The following DIS3L2 variants were observed in gnomAD, a reference collection of about 807,000 sequenced individuals.
DIS3L2 encodes the protein DIS3 like 3'-5' exoribonuclease 2, also known as DIS3-like exonuclease 2.
A neutral mutation model predicts 97.5 loss-of-function variants in DIS3L2; 34 were observed. The observed-to-expected ratio is 0.35, with a 90% CI of 0.27 to 0.46. The LOEUF is 0.46. DIS3L2 is among the 20% of genes least tolerant of loss of function. DIS3L2 has a pLI of 1.00. For missense variants in DIS3L2, 1,038 were observed against 1,146.0 expected (o/e 0.91, Z 1.36); for synonymous variants, 435 against 445.2 (o/e 0.98, Z 0.29).
intron 12 of DIS3L2, among the ~76,000 whole-genome samples, chr2:232,256,240 A>C (rs1313969110): frequency 6.6e-6 from 1 of 152,226 alleles, no homozygotes; most frequent in Non-Finnish European, 1.5e-5. Context: ...TGCAACCAGC[A>C]TCTCCTCTCA....
chr2:232,223,293 T>C (rs1302225909), intron 10 of DIS3L2, among the ~76,000 whole-genome samples: 7 of 152,170 alleles, frequency 4.6e-5, no homozygotes, highest in Non-Finnish European at 7.3e-5. Flanking sequence ...AGCACTGCAA[T>C]AGGAGCAGGA....
chr2:232,290,810 C>A (rs559461718), intron 13 of DIS3L2, among the ~76,000 whole-genome samples: 1 of 152,306 alleles, frequency 6.6e-6, no homozygotes, highest in South Asian at 2.1e-4. Flanking sequence ...CGGCCAGCCT[C>A]GCTATAGACT....
At chr2:232,326,801 A>G (rs1003980455) in intron 14 of DIS3L2, among the ~76,000 whole-genome samples, 16 of 150,630 alleles carry the variant, frequency 1.1e-4, no homozygotes, top group Non-Finnish European at 2.1e-4. Context: ...AGCCACACCA[A>G]GGGCCCTGGC....
chr2:232,201,618 C>T (rs1316573203), intron 9 of DIS3L2, among the ~76,000 whole-genome samples: 2 of 152,160 alleles, frequency 1.3e-5, no homozygotes, highest in Admixed American at 6.5e-5. Context: ...TAGGAACAGT[C>T]AAAGACATTT....
At chr2:232,161,889 C>T (rs899093994) in intron 8 of DIS3L2, among the ~76,000 whole-genome samples, 1 of 152,030 alleles carries the variant, frequency 6.6e-6, no homozygotes, top group Non-Finnish European at 1.5e-5. Flanking sequence ...TCTCCTGCTT[C>T]AGTCTCCTGA....
At chr2:232,287,241 T>C (rs1203186882) in intron 13 of DIS3L2, among the ~76,000 whole-genome samples, 1 of 152,170 alleles carries the variant, frequency 6.6e-6, no homozygotes, top group African/African-American at 2.4e-5. Context: ...TTTTTTAACA[T>C]TTAACATTGT....
chr2:232,228,089 C>A (rs887252021), intron 10 of DIS3L2, among the ~76,000 whole-genome samples: 2 of 152,118 alleles, frequency 1.3e-5, no homozygotes, highest in Non-Finnish European at 2.9e-5. Context: ...GCCTCAGCCT[C>A]CTGAGTAGCT....
intron 6 of DIS3L2, among the ~76,000 whole-genome samples, chr2:232,119,671 A>C (rs1055574465): frequency 2.0e-5 from 3 of 152,226 alleles, no homozygotes; most frequent in African/African-American, 7.2e-5. Context: ...AAGAGTGTTG[A>C]AGATGTAATT....
intron 6 of DIS3L2, among the ~76,000 whole-genome samples, chr2:232,107,518 G>A (rs1041731633): frequency 6.6e-6 from 1 of 152,100 alleles, no homozygotes; most frequent in Admixed American, 6.5e-5. Flanking sequence ...GGCCAACATG[G>A]TGAAACCCCG....
intron 1 of DIS3L2, among the ~76,000 whole-genome samples, chr2:231,991,254 G>A (rs1257536537): frequency 1.3e-5 from 2 of 152,028 alleles, no homozygotes; most frequent in Admixed American, 6.6e-5. Context: ...TATTTTGACG[G>A]CAACTATTAT....
chr2:232,086,677 GTA>G (rs760890280), intron 5 of DIS3L2, among the ~76,000 whole-genome samples: 9 of 54,488 alleles, frequency 1.7e-4, no homozygotes, highest in African/African-American at 3.5e-4. Flanking sequence ...GTGTGTGTGT[GTA>G]TATATATATT....
intron 12 of DIS3L2, among the ~76,000 whole-genome samples, chr2:232,253,828 G>GAA (rs1297095744): frequency 1.3e-5 from 2 of 152,172 alleles, no homozygotes; most frequent in African/African-American, 4.8e-5. Flanking sequence ...TTACTCTTGG[G>GAA]AAGTAACAGA....
chr2:231,989,903 G>A (rs1040667891), intron 1 of DIS3L2, among the ~76,000 whole-genome samples: 3 of 152,116 alleles, frequency 2.0e-5, no homozygotes. Flanking sequence ...GTAGAGACAA[G>A]GGTCAATGAA....
At chr2:232,250,168 G>C (rs969573197) in intron 12 of DIS3L2, among the ~76,000 whole-genome samples, 2 of 152,108 alleles carry the variant, frequency 1.3e-5, no homozygotes, top group African/African-American at 4.8e-5. Context: ...AGTTATTAAA[G>C]TTGTTGACAG....
chr2:232,239,951 T>C (rs1168049367), intron 11 of DIS3L2, among the ~76,000 whole-genome samples: 3 of 152,240 alleles, frequency 2.0e-5, no homozygotes, highest in Non-Finnish European at 2.9e-5. Context: ...GGGCTGAAGA[T>C]CCTGTTGCCT....
chr2:232,111,059 A>G, intron 6 of DIS3L2: 1 of 358,738 alleles, frequency 2.8e-6, no homozygotes, highest in East Asian at 7.4e-5. Context: ...AGGATAGGAA[A>G]TTAATGATAG....
intron 5 of DIS3L2, among the ~76,000 whole-genome samples, chr2:232,048,938 C>T (rs998263625): frequency 2.6e-5 from 4 of 152,082 alleles, no homozygotes; most frequent in African/African-American, 9.7e-5. Context: ...TACAAATATA[C>T]AAGCATTTCA....
chr2:231,977,718 G>A (rs551708295), intron 1 of DIS3L2, among the ~76,000 whole-genome samples: 2 of 152,336 alleles, frequency 1.3e-5, no homozygotes, highest in African/African-American at 4.8e-5. Context: ...ATTGGACTCA[G>A]TGTAATATTT....
chr2:232,261,493 T>C (rs1693710565), intron 12 of DIS3L2, among the ~76,000 whole-genome samples: 1 of 152,104 alleles, frequency 6.6e-6, no homozygotes, highest in Non-Finnish European at 1.5e-5. Flanking sequence ...TCATGTCATG[T>C]CACACACAGA....
Sources: gnomAD v4.1 joint callset for allele counts (sites outside exome capture counted in the v4.1 genomes callset) on GRCh38, gnomAD v4.1.1 for gene constraint, MANE v1.5 for transcripts, NCBI Gene and HGNC (gene_info 2026-07-23, HGNC 2026-07-21) for gene names.